Variants in POFUT3 observed in about 807,000 individuals in gnomAD.
POFUT3 encodes protein O-fucosyltransferase 3.
chr8:33,375,275 T>A, the POFUT3 span, among the ~76,000 whole-genome samples: 1 of 151,702 alleles, frequency 6.6e-6, no homozygotes, highest in African/African-American at 2.4e-5. Context: ...AACAAGAGAA[T>A]AAACTAAGAA....
At chr8:33,422,007 A>T in the POFUT3 span, among the ~76,000 whole-genome samples, 1 of 147,996 alleles carries the variant, frequency 6.8e-6, no homozygotes, top group Non-Finnish European at 1.5e-5. Flanking sequence ...TAAAAAAAAA[A>T]CAACCACACA....
At chr8:33,354,563 C>A in the POFUT3 span, among the ~76,000 whole-genome samples, 1 of 152,162 alleles carries the variant, frequency 6.6e-6, no homozygotes, top group Non-Finnish European at 1.5e-5. Flanking sequence ...TTAAATAATG[C>A]CTGTTTTCAT....
the POFUT3 span, among the ~76,000 whole-genome samples, chr8:33,335,831 T>A: frequency 2.0e-3 from 301 of 152,150 alleles, 1 homozygote; most frequent in African/African-American, 6.9e-3. Flanking sequence ...TGGAAGTGAA[T>A]CATCATAAAG....
chr8:33,320,912 T>C, the POFUT3 span, among the ~76,000 whole-genome samples: 65,620 of 151,708 alleles, frequency 0.43, 16,012 homozygotes, highest in East Asian at 0.8. Context: ...ACAGGATGAG[T>C]CCAGATTCAA....
At chr8:33,448,123 C>G in the POFUT3 span, among the ~76,000 whole-genome samples, 1 of 151,954 alleles carries the variant, frequency 6.6e-6, no homozygotes, top group Non-Finnish European at 1.5e-5. Flanking sequence ...AGAGACTGCT[C>G]GAGCCCAGGA....
the POFUT3 span, among the ~76,000 whole-genome samples, chr8:33,445,331 T>G: frequency 7.9e-5 from 12 of 152,200 alleles, no homozygotes; most frequent in African/African-American, 2.9e-4. Context: ...TCTGGCACAC[T>G]ATAAATGACA....
At chr8:33,350,727 A>G in the POFUT3 span, among the ~76,000 whole-genome samples, 1 of 152,120 alleles carries the variant, frequency 6.6e-6, no homozygotes, top group Non-Finnish European at 1.5e-5. Flanking sequence ...TATTTGCATC[A>G]AGATTAGAAA....
chr8:33,467,135 T>C, the POFUT3 span, among the ~76,000 whole-genome samples: 15 of 149,910 alleles, frequency 1.0e-4, no homozygotes, highest in Middle Eastern at 3.5e-3. Context: ...TAGCCAGGCA[T>C]GGTGGCATGC....
the POFUT3 span, among the ~76,000 whole-genome samples, chr8:33,419,533 C>T: frequency 1.7e-4 from 26 of 152,310 alleles, no homozygotes; most frequent in Middle Eastern, 6.8e-3. Flanking sequence ...CTGGCTCACC[C>T]GCCACTCGCC....
the POFUT3 span, among the ~76,000 whole-genome samples, chr8:33,351,508 C>A: frequency 6.6e-6 from 1 of 151,976 alleles, no homozygotes; most frequent in Non-Finnish European, 1.5e-5. Flanking sequence ...TAAAAAAGAG[C>A]CCTGCACCTC....
the POFUT3 span, among the ~76,000 whole-genome samples, chr8:33,327,369 T>C: frequency 1.8e-4 from 28 of 152,190 alleles, no homozygotes; most frequent in African/African-American, 6.5e-4. Flanking sequence ...TCTCTAAGTA[T>C]ATGTCTCCCT....
At chr8:33,372,762 T>A in the POFUT3 span, 6 of 1,613,910 alleles carry the variant, frequency 3.7e-6, no homozygotes, top group Middle Eastern at 1.6e-4. Flanking sequence ...TCTGGGCAAC[T>A]CAGGTGGGTA....
chr8:33,380,135 T>C, the POFUT3 span, among the ~76,000 whole-genome samples: 32 of 59,594 alleles, frequency 5.4e-4, no homozygotes, highest in East Asian at 4.5e-3. Flanking sequence ...TATATATATA[T>C]ACTATATATA....
chr8:33,400,528 C>T, the POFUT3 span, among the ~76,000 whole-genome samples: 1 of 151,284 alleles, frequency 6.6e-6, no homozygotes, highest in Non-Finnish European at 1.5e-5. Flanking sequence ...GGAAGGAATG[C>T]GGGATAAAGG....
the POFUT3 span, among the ~76,000 whole-genome samples, chr8:33,332,880 G>A: frequency 2.0e-5 from 3 of 152,068 alleles, no homozygotes; most frequent in African/African-American, 7.2e-5. Context: ...CATTTCCCAT[G>A]GCCAATGGTG....
At chr8:33,334,272 C>T in the POFUT3 span, among the ~76,000 whole-genome samples, 1 of 151,724 alleles carries the variant, frequency 6.6e-6, no homozygotes, top group Admixed American at 6.6e-5. Context: ...GGCTTGAGTA[C>T]ACTGGCATGA....
chr8:33,444,933 CT>C, the POFUT3 span, among the ~76,000 whole-genome samples: 924 of 121,618 alleles, frequency 7.6e-3, 2 homozygotes, highest in South Asian at 0.012. Context: ...TGACCTTCAT[CT>C]TTTTTTTTTT....
chr8:33,378,294 C>T, the POFUT3 span, among the ~76,000 whole-genome samples: 1 of 152,158 alleles, frequency 6.6e-6, no homozygotes, highest in Non-Finnish European at 1.5e-5. Flanking sequence ...CGCTTCTGCT[C>T]CCAGATCCAA....
chr8:33,456,749 A>C, the POFUT3 span, among the ~76,000 whole-genome samples: 1 of 149,660 alleles, frequency 6.7e-6, no homozygotes, highest in Non-Finnish European at 1.5e-5. Context: ...GTGGGGCAGA[A>C]AAGCCTTTTA....
Sources: gnomAD v4.1 joint callset for allele counts (sites outside exome capture counted in the v4.1 genomes callset) on GRCh38, gnomAD v4.1.1 for gene constraint, MANE v1.5 for transcripts, NCBI Gene and HGNC (gene_info 2026-07-23, HGNC 2026-07-21) for gene names.